Variants in CTNNA2 observed in about 807,000 individuals in gnomAD.
CTNNA2 encodes the protein catenin alpha-2.
CTNNA2 carries 42 observed loss-of-function variants against 101.0 expected under a neutral mutation model. The observed-to-expected ratio is 0.42, with a 90% CI of 0.32 to 0.54. The LOEUF is 0.54. CTNNA2 is among the 20% of genes least tolerant of loss of function. The pLI is 0.14. For missense variants in CTNNA2, 871 were observed against 1,223.1 expected, an observed-to-expected ratio of 0.71 and a Z score of 4.29; for synonymous variants, 450 against 456.4, an observed-to-expected ratio of 0.99 and a Z score of 0.18.
chr2:80,169,246 A>G (rs1306179210), intron 7 of CTNNA2, among the ~76,000 whole-genome samples: 2 of 152,272 alleles, frequency 1.3e-5, no homozygotes, highest in East Asian at 3.9e-4. Context: ...AAGCCTGGAC[A>G]TTGATTTTAA....
At chr2:79,622,760 C>T (rs1362254809) in intron 1 of CTNNA2, among the ~76,000 whole-genome samples, 1 of 152,122 alleles carries the variant, frequency 6.6e-6, no homozygotes. Context: ...TCTTTCCCAG[C>T]CTTCTGGATG....
In CTNNA2 at chr2:80,329,837, C is replaced by T. The variant is rs141443434; in HGVS notation, c.1057-63374C>T. On this transcript the variant is annotated intron_variant, in intron 7 of 18. Transcript: ENST00000402739. ...TAGCCACAAGCTTCGGTTTTGTATT[C>T]GACTGTACCTGCCTAGATATAGATC... Among the ~76,000 whole-genome samples the T allele has an allele frequency of 2.5e-3, 385 of 152,274 alleles. 3 individuals are homozygous for T. The highest frequency in any genetic ancestry group is 8.9e-3 in the African/African-American group (371 of 41,560).
chr2:80,517,789 G>A (rs182555058), intron 9 of CTNNA2, among the ~76,000 whole-genome samples: 1 of 152,258 alleles, frequency 6.6e-6, no homozygotes, highest in East Asian at 1.9e-4. Flanking sequence ...CATCAACACT[G>A]AGTCATTTTC....
At chr2:79,244,588 G>A (rs2104261517) in intron 2 of CTNNA2, among the ~76,000 whole-genome samples, 1 of 152,294 alleles carries the variant, frequency 6.6e-6, no homozygotes, top group South Asian at 2.1e-4. Context: ...TAGAAAGACA[G>A]GCATGGGCAT....
At chr2:80,629,399 C>G (rs1672040232) in intron 18 of CTNNA2, among the ~76,000 whole-genome samples, 1 of 152,144 alleles carries the variant, frequency 6.6e-6, no homozygotes, top group Non-Finnish European at 1.5e-5. Flanking sequence ...TAAAACGAAT[C>G]TCATGGGTAG....
intron 7 of CTNNA2, among the ~76,000 whole-genome samples, chr2:80,049,439 T>C (rs1696730268): frequency 6.6e-6 from 1 of 152,160 alleles, no homozygotes; most frequent in Admixed American, 6.6e-5. Flanking sequence ...AAGTAAAAAT[T>C]ATCATACATT....
chr2:79,538,767 T>G lies in CTNNA2; in HGVS notation c.-6+25560T>G, dbSNP rs544290965. On this transcript the variant is annotated intron_variant, in intron 1 of 18. Coordinates refer to ENST00000402739, the MANE Select transcript of CTNNA2 (RefSeq NM_001282597.3). ...AGATTTTATATGGTCTTAAATGCTA[T>G]TCTGAGAGATTTGAGCTTTATTTCT... Among the ~76,000 whole-genome samples, 15 of 152,324 alleles carry G rather than the reference T, an allele frequency of 9.8e-5. No individual in the cohort carries two copies. The South Asian group carries it at 3.1e-3, about 32-fold the overall frequency.
chr2:79,708,972 A>G (rs1685568099), intron 2 of CTNNA2, among the ~76,000 whole-genome samples: 1 of 152,186 alleles, frequency 6.6e-6, no homozygotes, highest in Admixed American at 6.5e-5. Flanking sequence ...ATTTGAGGAG[A>G]GTCCTTGATA....
At chr2:79,459,032 G>A (rs1024191401) in intron 4 of CTNNA2, among the ~76,000 whole-genome samples, 1 of 152,064 alleles carries the variant, frequency 6.6e-6, no homozygotes, top group Middle Eastern at 3.4e-3. Context: ...ACACTTAAAT[G>A]CATTAACAGT....
At chr2:79,437,252 G>GAT (rs1032133710) in intron 4 of CTNNA2, among the ~76,000 whole-genome samples, 12 of 151,378 alleles carry the variant, frequency 7.9e-5, no homozygotes, top group African/African-American at 2.2e-4. Flanking sequence ...AAAAATTAGA[G>GAT]ATATATATAT....
At chr2:79,540,912 G>C (rs1266151811) in intron 1 of CTNNA2, among the ~76,000 whole-genome samples, 1 of 152,130 alleles carries the variant, frequency 6.6e-6, no homozygotes, top group Non-Finnish European at 1.5e-5. Flanking sequence ...ATGGTATGGA[G>C]AGTTGGAAAT....
chr2:79,678,677 G>A (rs892404272), intron 2 of CTNNA2, among the ~76,000 whole-genome samples: 1 of 152,076 alleles, frequency 6.6e-6, no homozygotes, highest in African/African-American at 2.4e-5. Context: ...ATCCCTCCCT[G>A]TCTGACTGGG....
intron 18 of CTNNA2, among the ~76,000 whole-genome samples, chr2:80,634,010 A>G (rs1257486399): frequency 6.6e-6 from 1 of 152,210 alleles, no homozygotes; most frequent in Non-Finnish European, 1.5e-5. Flanking sequence ...ATGAATAGGT[A>G]GTAAGAATGG....
At chr2:79,234,292 T>G (rs936005288) in intron 2 of CTNNA2, among the ~76,000 whole-genome samples, 26 of 152,106 alleles carry the variant, frequency 1.7e-4, no homozygotes, top group African/African-American at 6.3e-4. Context: ...CTTTCTCTTA[T>G]GAAGATTAGT....
At chr2:79,512,662 C>A (rs1671581896), upstream of CTNNA2, among the ~76,000 whole-genome samples, 1 of 151,786 alleles carries the variant, frequency 6.6e-6, no homozygotes, top group Non-Finnish European at 1.5e-5. Flanking sequence ...CGCAGGGTAA[C>A]GCGGTTGTCA....
chr2:80,494,689 T>TAGACGAGG (rs1490356939), intron 9 of CTNNA2, among the ~76,000 whole-genome samples: 1 of 150,426 alleles, frequency 6.6e-6, no homozygotes, highest in African/African-American at 2.5e-5. Context: ...GAAGGGACAG[T>TAGACGAGG]TTAGCTCATA....
intron 4 of CTNNA2, among the ~76,000 whole-genome samples, chr2:79,377,113 G>C (rs970128611): frequency 7.9e-5 from 12 of 151,516 alleles, no homozygotes; most frequent in Non-Finnish European, 1.2e-4. Context: ...CAGTGTAAAA[G>C]TGTTCCTATT....
intron 2 of CTNNA2, among the ~76,000 whole-genome samples, chr2:79,660,555 C>G (rs1306570270): frequency 6.6e-6 from 1 of 151,834 alleles, no homozygotes; most frequent in Non-Finnish European, 1.5e-5. Flanking sequence ...TATGTTTTTA[C>G]AGTAGGTATG....
intron 7 of CTNNA2, among the ~76,000 whole-genome samples, chr2:80,154,650 C>T (rs192057458): frequency 1.0e-3 from 152 of 152,216 alleles, no homozygotes; most frequent in African/African-American, 3.3e-3. Flanking sequence ...GAGAAACTAC[C>T]TAATCCCCAT....
Sources: gnomAD v4.1 joint callset for allele counts (sites outside exome capture counted in the v4.1 genomes callset) on GRCh38, gnomAD v4.1.1 for gene constraint, MANE v1.5 for transcripts, NCBI Gene and HGNC (gene_info 2026-07-23, HGNC 2026-07-21) for gene names.